Variants in ITGAM observed in about 807,000 individuals in gnomAD.
ITGAM encodes integrin alpha-M.
ITGAM carries 79 observed loss-of-function variants against 137.5 expected under a neutral mutation model. The observed-to-expected ratio is 0.57, with a 90% CI of 0.48 to 0.69. The LOEUF (loss-of-function observed/expected upper bound fraction) is 0.69. ITGAM is among the 30% of genes least tolerant of loss of function. The pLI is 0.00. For missense variants in ITGAM, 1,343 were observed against 1,483.5 expected (o/e 0.91, Z 1.56); for synonymous variants, 583 against 592.3 (o/e 0.98, Z 0.23).
chr16:31,331,343 C>T (rs1177113125), intron 29 of ITGAM, 68 bp downstream of exon 29: 1 of 925,626 alleles, frequency 1.1e-6, no homozygotes, highest in Non-Finnish European at 1.7e-6. Flanking sequence ...CTCCGTGCCT[C>T]GGTTTCCCCG....
At chr16:31,265,540 T>TGAACA (rs1250601134) in intron 3 of ITGAM, 42 bp downstream of exon 3, 1 of 1,358,770 alleles carries the variant, frequency 7.4e-7, no homozygotes, top group African/African-American at 1.4e-5. Context: ...GATTCCCCTG[T>TGAACA]GAACACATAG....
chr16:31,265,547 A>T, intron 3 of ITGAM, 49 bp downstream of exon 3: 1 of 1,278,790 alleles, frequency 7.8e-7, no homozygotes, highest in Non-Finnish European at 1.1e-6. Context: ...CTGTGAACAC[A>T]TAGGGACTTT....
chr16:31,330,352 G>C lies in ITGAM; in HGVS notation c.3105G>C (p.Pro1035=), dbSNP rs1465981481. 1.2e-6 allele frequency: 2 copies of C among 1,613,980 alleles called. No individual in the cohort carries two copies. Among genetic ancestry groups the C allele is most frequent in the Non-Finnish European group, 1.7e-6 (2 of 1,179,848 alleles). Residue 1035 remains proline, a synonymous_variant, in exon 27 of 30, where the codon CCG becomes CCC. Transcript: ENST00000544665. The stretch of plus-strand genomic sequence containing the variant: ...GCCAGAGAATCCAGTGTGACATCCC[G>C]TTCTTTGGCATCCAGGAAGAATTCA... The part of the protein sequence containing the change: ...AVCQRIQCDI[P]FFGIQEEFNA...
intron 6 of ITGAM, 71 bp downstream of exon 6, chr16:31,271,155 T>C (rs571462734): frequency 1.3e-4 from 174 of 1,294,228 alleles, no homozygotes; most frequent in Admixed American, 2.9e-4. Flanking sequence ...CGGGCCACCA[T>C]GTTCTCCTCC....
At position 31,272,422 on chromosome 16, in the gene ITGAM, A is replaced by AATATATAT. The variant is rs2079850545; in HGVS notation, c.704+430_704+431insATATATAT. 3.5e-3 allele frequency among the ~76,000 whole-genome samples: 173 copies of AATATATAT among 48,944 alleles called. 6 individuals are homozygous for AATATATAT. Among genetic ancestry groups the AATATATAT allele is most frequent in the Non-Finnish European group, 5.8e-3 (153 of 26,464 alleles). The allele number at this position is 48,944 out of a possible 152,430, so 32.1% of individuals were successfully genotyped here. On this transcript the variant is annotated intron_variant, in intron 7 of 29. Transcript: ENST00000544665. Reference sequence around the variant, plus strand: ...GGAGAGGTTTCCTGAAGGCCAATTAACTATATATATATATATATATATATA... The same window carrying AATATATAT: ...GGAGAGGTTTCCTGAAGGCCAATTAAATATATATCTATATATATATATATATATATATA...
chr16:31,320,998 C>A (rs371276692), intron 14 of ITGAM, among the ~76,000 whole-genome samples: 1 of 152,054 alleles, frequency 6.6e-6, no homozygotes, highest in South Asian at 2.1e-4. Context: ...CAAAGTGAGA[C>A]CCCCGTTTTT....
chr16:31,331,561 GC>G (rs2080583673), intron 29 of ITGAM, 74 bp from the exon 30 acceptor site: 1 of 251,642 alleles, frequency 4.0e-6, no homozygotes, highest in East Asian at 6.4e-5. Flanking sequence ...CGGCCCTCCC[GC>G]CCCCTCCCCC....
chr16:31,304,397 T>C (rs1567269349), intron 14 of ITGAM, among the ~76,000 whole-genome samples: 1 of 152,200 alleles, frequency 6.6e-6, no homozygotes, highest in Non-Finnish European at 1.5e-5. Flanking sequence ...GGCAAATATT[T>C]TCTTGCATTC....
chr16:31,294,296 A>G (rs1376699597), intron 12 of ITGAM, among the ~76,000 whole-genome samples: 1 of 152,130 alleles, frequency 6.6e-6, no homozygotes, highest in East Asian at 1.9e-4. Flanking sequence ...ACTAGTGAGC[A>G]AAGGCATCCT....
At chr16:31,312,768 C>T (rs2080348169) in intron 14 of ITGAM, among the ~76,000 whole-genome samples, 1 of 152,032 alleles carries the variant, frequency 6.6e-6, no homozygotes. Context: ...TGTTCATTCC[C>T]AGAGATCTTG....
intron 2 of ITGAM, among the ~76,000 whole-genome samples, chr16:31,264,286 A>G (rs2079739289): frequency 6.6e-6 from 1 of 151,980 alleles, no homozygotes; most frequent in Admixed American, 6.6e-5. Context: ...ATCTCTACTA[A>G]AAATACACAA....
In ITGAM at chr16:31,329,847, T is replaced by A; in HGVS notation, c.2918T>A (p.Val973Glu). The change falls in exon 25 of 30, where the codon GTG becomes GAG. Residue 973 changes from valine to glutamate, a missense_variant. Physicochemically the swap from Val to Glu is moderately radical, Grantham distance 121. Coordinates refer to ENST00000544665, the MANE Select transcript of ITGAM (RefSeq NM_000632.4). Reference sequence around the variant, plus strand: ...CTCCCCATCAGCCTGGTGTTCTTGGTGCCCGTCCGGCTGAACCAGACTGTC... The same window carrying A: ...CTCCCCATCAGCCTGGTGTTCTTGGAGCCCGTCCGGCTGAACCAGACTGTC... ...RSLPISLVFL[V>E]PVRLNQTVIW... 1 of 1,564,470 alleles carries A rather than the reference T, an allele frequency of 6.4e-7. No homozygotes were observed. The highest frequency in any genetic ancestry group is 8.7e-7 in the Non-Finnish European group (1 of 1,154,472).
intron 14 of ITGAM, among the ~76,000 whole-genome samples, chr16:31,299,293 A>G (rs193228995): frequency 2.2e-4 from 34 of 152,176 alleles, no homozygotes; most frequent in Admixed American, 5.9e-4. Flanking sequence ...CTTTGCTTCA[A>G]TGAGTTTGGC....
In ITGAM at chr16:31,282,362, G is replaced by T. The variant is rs531704390; in HGVS notation, c.1356+4253G>T. 3.6e-3 allele frequency among the ~76,000 whole-genome samples: 546 copies of T among 152,186 alleles called. 4 individuals carry two copies. Among genetic ancestry groups the T allele is most frequent in the African/African-American group, 0.012 (482 of 41,520 alleles). Reference sequence around the variant, plus strand: ...TTATTGTGTGGGAGTCTAAGTCTCTGTGTAGGTCACTAAGCACTTGCTTTA... The same window carrying T: ...TTATTGTGTGGGAGTCTAAGTCTCTTTGTAGGTCACTAAGCACTTGCTTTA... On this transcript the variant is annotated intron_variant, in intron 12 of 29. Transcript: ENST00000544665.
intron 12 of ITGAM, among the ~76,000 whole-genome samples, chr16:31,295,693 A>G (rs920515510): frequency 1.3e-5 from 2 of 151,188 alleles, no homozygotes; most frequent in African/African-American, 4.9e-5. Context: ...TTTATATCTG[A>G]TTTGGGTCTC....
In ITGAM at chr16:31,260,035, C is replaced by T. The variant is rs377716542; in HGVS notation, c.-30C>T. The T allele has an allele frequency of 5.0e-5, 79 of 1,576,946 alleles. No homozygotes were observed. The highest frequency in any genetic ancestry group is 6.0e-6 in the Non-Finnish European group (7 of 1,160,276). On this transcript the variant is annotated 5_prime_UTR_variant, in exon 1 of 30. Coordinates refer to ENST00000544665, the MANE Select transcript of ITGAM (RefSeq NM_000632.4). ...AGTGGTGCCTGCAACCCCTGGTTCA[C>T]CTCCTTCCAGGTTCTGGCTCCTTCC...
At position 31,331,638 on chromosome 16, in the gene ITGAM, C is replaced by T. The variant is rs560112116; in HGVS notation, c.3390C>T (p.Leu1130=). ...LALITAALYK[L]GFFKRQYKDM... is the part of the protein sequence containing the mutation. The stretch of plus-strand genomic sequence containing the variant: ...CACTGCCCTCCTCTGCCCCGCAGCT[C>T]GGCTTCTTCAAGCGGCAATACAAGG... The change falls in exon 30 of 30, where the codon CTC becomes CTT. Residue 1130 remains leucine (L), a splice_region_variant and synonymous_variant. Transcript: ENST00000544665. The T allele has an allele frequency of 3.7e-6, 6 of 1,607,626 alleles. No individual in the cohort carries two copies. The East Asian group carries it at 9.0e-5, about 24-fold the overall frequency.
chr16:31,281,807 A>AT (rs2079972367), intron 12 of ITGAM, among the ~76,000 whole-genome samples: 1 of 151,904 alleles, frequency 6.6e-6, no homozygotes, highest in Non-Finnish European at 1.5e-5. Context: ...TTTAATTGTG[A>AT]TTTTAAGGTG....
intron 14 of ITGAM, among the ~76,000 whole-genome samples, chr16:31,316,458 GT>G (rs1013475438): frequency 2.0e-5 from 3 of 151,658 alleles, no homozygotes; most frequent in Admixed American, 6.6e-5. Context: ...TCTGTATTCT[GT>G]TCCATTGGTC....
Sources: gnomAD v4.1 joint callset for allele counts (sites outside exome capture counted in the v4.1 genomes callset) on GRCh38, gnomAD v4.1.1 for gene constraint, MANE v1.5 for transcripts, NCBI Gene and HGNC (gene_info 2026-07-23, HGNC 2026-07-21) for gene names.